Variants in KMT2C observed in about 807,000 individuals in gnomAD.
KMT2C encodes the protein lysine methyltransferase 2C.
In KMT2C, 88 loss-of-function variants were observed where a neutral mutation model predicts 507.9. That is an observed-to-expected ratio of 0.17 (90% CI 0.15 to 0.21). KMT2C has a LOEUF of 0.21. Among genes scored for constraint, KMT2C ranks in the 10% least tolerant of loss-of-function variants. KMT2C has a pLI of 1.00. For synonymous variants in KMT2C, 2,049 were observed against 2,080.8 expected (o/e 0.98, Z 0.42); for missense variants, 4,954 against 5,957.8 (o/e 0.83, Z 5.55).
Position 152,398,662 on chromosome 7 carries a change from A to G in KMT2C, c.161+36964T>C, listed in dbSNP as rs189623202. ...TGATCCTCCTACCTCGGCCTTCCCAAGTATTGAGATTATAAGCGTGAGCCC... is the reference window on the plus strand; with the variant it reads ...TGATCCTCCTACCTCGGCCTTCCCAGGTATTGAGATTATAAGCGTGAGCCC... On this transcript the variant is annotated intron_variant, in intron 1 of 58. Coordinates refer to ENST00000262189, the MANE Select transcript of KMT2C (RefSeq NM_170606.3). Among the ~76,000 whole-genome samples, 217 of 151,952 alleles carry G rather than the reference A, an allele frequency of 1.4e-3. 4 individuals carry two copies. The highest frequency in any genetic ancestry group is 8.8e-5 in the Non-Finnish European group (6 of 67,952).
Position 152,136,667 on chromosome 7 carries a change from G to A in KMT2C, c.*165C>T, listed in dbSNP as rs904370265. The A allele has an allele frequency of 4.9e-5, 29 of 596,266 alleles. No individual in the cohort carries two copies. Among genetic ancestry groups the A allele is most frequent in the African/African-American group, 2.6e-4 (14 of 53,690 alleles). The allele number at this position is 596,266 out of a possible 1,614,324, so 36.9% of individuals were successfully genotyped here. ...CTGCTTCTGTCAGCTTCCTCCTGGCGCTGCTTTAACCTAAAGGACTGAGGA... is the reference window on the plus strand; with the variant it reads ...CTGCTTCTGTCAGCTTCCTCCTGGCACTGCTTTAACCTAAAGGACTGAGGA... On this transcript the variant is annotated 3_prime_UTR_variant, in exon 59 of 59. Transcript: ENST00000262189.
chr7:152,184,485 T>C (rs2093558609), intron 34 of KMT2C, among the ~76,000 whole-genome samples: 1 of 152,224 alleles, frequency 6.6e-6, no homozygotes, highest in Admixed American at 6.5e-5. Flanking sequence ...AATTACCTAA[T>C]AGTTCATGGC....
rs533654178 is a variant in KMT2C at position 152,387,825 on chromosome 7, A to G, written c.162-29150T>C. On this transcript the variant is annotated intron_variant, in intron 1 of 58. Transcript: ENST00000262189. ...TGCCTATGTCTGTATTTTTTTCTAC[A>G]TACATACACGTCTTATCTACAAACC... 4.3e-3 allele frequency among the ~76,000 whole-genome samples: 651 copies of G among 151,452 alleles called. 4 individuals carry two copies. The highest frequency in any genetic ancestry group is 0.015 in the African/African-American group (622 of 41,316).
At position 152,255,144 on chromosome 7, in the gene KMT2C, T is replaced by TATATATAC. The variant is rs1361185988; in HGVS notation, c.1300-2430_1300-2429insGTATATAT. 8.6e-4 allele frequency among the ~76,000 whole-genome samples: 103 copies of TATATATAC among 120,324 alleles called. 1 individual carries two copies. The highest frequency in any genetic ancestry group is 2.7e-3 in the East Asian group (11 of 4,092). The allele number at this position is 120,324 out of a possible 152,430, so 78.9% of individuals were successfully genotyped here. ...ATATATATATATATATATATATATA[T>TATATATAC]ACATATATATATATGTGTGTGTGTG... On this transcript the variant is annotated intron_variant, in intron 9 of 58. Coordinates refer to ENST00000262189, the MANE Select transcript of KMT2C (RefSeq NM_170606.3).
rs368309434 is a variant in KMT2C at position 152,322,368 on chromosome 7, CAAG to C, written c.390-7033_390-7031del. Among the ~76,000 whole-genome samples, 981 of 152,034 alleles carry C rather than the reference CAAG, an allele frequency of 6.5e-3. 10 individuals carry two copies. The highest frequency in any genetic ancestry group is 0.018 in the African/African-American group (742 of 41,522). On this transcript the variant is annotated intron_variant, in intron 3 of 58. Transcript: ENST00000262189. ...ACAAATACCACCCTGGCTCAAAAAA[CAAG>C]AAGACACATCGACCAATGGAACAGG...
At position 152,181,572 on chromosome 7, in the gene KMT2C, C is replaced by G. The variant is rs1262981837; in HGVS notation, c.6288G>C (p.Gln2096His). Residue 2096 changes from glutamine (Q) to histidine (H), a missense_variant, in exon 36 of 59, where the codon CAG (glutamine) becomes CAC (histidine). Around this residue, in one of 29 missense-constraint regions of KMT2C, gnomAD observed 1,689 missense variants for 1,654.3 expected, o/e 1.02. Coordinates refer to ENST00000262189, the MANE Select transcript of KMT2C (RefSeq NM_170606.3). ...CTGCTGGATGTGGGGTAAGGGGAGGCTGACTATATGGATCATTTGACTGAT... is the reference window on the plus strand; with the variant it reads ...CTGCTGGATGTGGGGTAAGGGGAGGGTGACTATATGGATCATTTGACTGAT... The part of the protein sequence containing the change: ...SHNQSNDPYS[Q>H]PPLTPHPAVN... The G allele has an allele frequency of 6.2e-7, 1 of 1,613,924 alleles. No individual in the cohort carries two copies. Among genetic ancestry groups the G allele is most frequent in the East Asian group, 2.2e-5 (1 of 44,854 alleles).
chr7:152,336,591 T>C (rs1236827040), intron 2 of KMT2C, among the ~76,000 whole-genome samples: 1 of 152,186 alleles, frequency 6.6e-6, no homozygotes, highest in Non-Finnish European at 1.5e-5. Context: ...TCCTATGCTT[T>C]GCCTAAAGAA....
chr7:152,367,791 G>C, intron 1 of KMT2C: 2 of 954,354 alleles, frequency 2.1e-6, no homozygotes, highest in South Asian at 2.6e-5. Flanking sequence ...AGAATCACGA[G>C]TGAACAGACG....
chr7:152,221,223 C>A (rs1476479403), intron 22 of KMT2C, among the ~76,000 whole-genome samples: 7 of 152,240 alleles, frequency 4.6e-5, no homozygotes, highest in Non-Finnish European at 7.3e-5. Flanking sequence ...TGCCACTGCA[C>A]TCCAGCCTGG....
Position 152,177,886 on chromosome 7 carries a change from G to A in KMT2C, c.7567C>T (p.Pro2523Ser), listed in dbSNP as rs2129115574. ...QLRRSVSVDM[P>S]RPLNNSQMNN... is the part of the protein sequence containing the mutation. ...ATTTGTGAGTTATTTAAAGGCCTAGGCATATCTACAGATACTGATCTTCTT... is the reference window on the plus strand; with the variant it reads ...ATTTGTGAGTTATTTAAAGGCCTAGACATATCTACAGATACTGATCTTCTT... Residue 2523 changes from proline to serine, a missense_variant, in exon 38 of 59, where the codon CCT (proline) becomes TCT (serine). This residue lies in a region of KMT2C where 1,689 missense variants were observed against 1,654.3 expected (regional missense o/e 1.02). Coordinates refer to ENST00000262189, the MANE Select transcript of KMT2C (RefSeq NM_170606.3). 1 of 1,613,304 alleles carries A rather than the reference G, an allele frequency of 6.2e-7. No individual in the cohort carries two copies.
intron 14 of KMT2C, among the ~76,000 whole-genome samples, chr7:152,244,103 T>A (rs905632040): frequency 4.6e-5 from 7 of 152,188 alleles, no homozygotes; most frequent in Non-Finnish European, 8.8e-5. Context: ...TATGACAAAT[T>A]TAAAATTTCC....
At chr7:152,392,204 A>C (rs918779575) in intron 1 of KMT2C, among the ~76,000 whole-genome samples, 8 of 151,478 alleles carry the variant, frequency 5.3e-5, no homozygotes, top group African/African-American at 1.9e-4. Flanking sequence ...GTTCTCCCCT[A>C]CCCCCCACAA....
At chr7:152,178,147 AAAGCT>A (rs1272528940) in intron 37 of KMT2C, 137 bp from the exon 38 acceptor site, 1 of 896,838 alleles carries the variant, frequency 1.1e-6, no homozygotes, top group Non-Finnish European at 1.5e-6. Flanking sequence ...TTACAAAAGC[AAAGCT>A]ATCACCATTA....
intron 26 of KMT2C, among the ~76,000 whole-genome samples, chr7:152,201,570 T>C (rs1312975120): frequency 8.2e-6 from 1 of 122,020 alleles, no homozygotes; most frequent in Non-Finnish European, 1.6e-5. Context: ...AAAGGACTAT[T>C]AAGAAGGGAG....
intron 21 of KMT2C, 67 bp from the exon 22 acceptor site, chr7:152,222,133 A>G: frequency 9.9e-7 from 1 of 1,007,956 alleles, no homozygotes; most frequent in Non-Finnish European, 1.4e-6. Context: ...AAATACTTAT[A>G]TATGATTATA....
chr7:152,330,159 G>C lies in KMT2C; in HGVS notation c.389+442C>G, dbSNP rs1328554157. Among the ~76,000 whole-genome samples the C allele has an allele frequency of 1.1e-3, 141 of 127,294 alleles. 3 individuals are homozygous for C. Among genetic ancestry groups the C allele is most frequent in the Non-Finnish European group, 1.8e-3 (107 of 59,670 alleles). The allele number at this position is 127,294 out of a possible 152,430, so 83.5% of individuals were successfully genotyped here. A position where few individuals can be genotyped will look rare whatever the true frequency, so the allele number is the denominator to read the frequency against. On this transcript the variant is annotated intron_variant, in intron 3 of 58. Coordinates refer to ENST00000262189, the MANE Select transcript of KMT2C (RefSeq NM_170606.3). Reference sequence around the variant, plus strand: ...CGCCATCTCAAAAAAAGGGAGGGGGGGAGGGGTGGTGGGGGGGGGGAGAAA... The same window carrying C: ...CGCCATCTCAAAAAAAGGGAGGGGGCGAGGGGTGGTGGGGGGGGGGAGAAA...
At chr7:152,291,503 CTCCACAGTTATTTT>C (rs1377747478) in intron 6 of KMT2C, among the ~76,000 whole-genome samples, 1 of 152,234 alleles carries the variant, frequency 6.6e-6, no homozygotes, top group Non-Finnish European at 1.5e-5. Context: ...AGTCTTTCTG[CTCCACAGTTATTTT>C]TGCCACTATC....
At chr7:152,273,579 G>T in intron 7 of KMT2C, 126 bp downstream of exon 7, 8 of 996,806 alleles carry the variant, frequency 8.0e-6, no homozygotes, top group Non-Finnish European at 1.1e-5. Context: ...CGATCCCTCA[G>T]ATTTTAAAGA....
intron 6 of KMT2C, among the ~76,000 whole-genome samples, chr7:152,279,920 T>C (rs2096171388): frequency 1.3e-5 from 2 of 152,304 alleles, no homozygotes; most frequent in African/African-American, 2.4e-5. Context: ...CCACCAAATT[T>C]CCTACCCTAA....
Sources: gnomAD v4.1 joint callset for allele counts (sites outside exome capture counted in the v4.1 genomes callset) on GRCh38, gnomAD v4.1.1 for gene constraint, gnomAD v4.1.1 regional missense constraint, MANE v1.5 for transcripts, NCBI Gene and HGNC (gene_info 2026-07-23, HGNC 2026-07-21) for gene names.